Variants in ADGRV1 observed in about 807,000 individuals in gnomAD.
The protein encoded by ADGRV1 is G-protein coupled receptor 98.
ADGRV1 carries 359 observed loss-of-function variants against 596.2 expected under a neutral mutation model. That is an observed-to-expected ratio of 0.60 (90% CI 0.55 to 0.66). The LOEUF is 0.66. Ranked by LOEUF, ADGRV1 falls within the 30% of genes least tolerant of loss-of-function variation. The probability of loss-of-function intolerance (pLI) is 0.00; values close to 1 mark genes in which losing one functional copy is unlikely to be tolerated. For synonymous variants in ADGRV1, 2,681 were observed against 2,679.2 expected, an observed-to-expected ratio of 1.00 and a Z score of -0.02; for missense variants, 7,274 against 7,575.6, an observed-to-expected ratio of 0.96 and a Z score of 1.48.
chr5:90,955,454 A>G (rs186918885), intron 83 of ADGRV1, among the ~76,000 whole-genome samples: 1 of 152,292 alleles, frequency 6.6e-6, no homozygotes, highest in Admixed American at 6.5e-5. Flanking sequence ...GGCCTTCTCA[A>G]AATAACCCCC....
intron 68 of ADGRV1, among the ~76,000 whole-genome samples, chr5:90,789,445 C>T (rs1392749699): frequency 6.6e-6 from 1 of 152,148 alleles, no homozygotes; most frequent in Non-Finnish European, 1.5e-5. Context: ...AATTACTATT[C>T]TCTTGGGATT....
intron 87 of ADGRV1, among the ~76,000 whole-genome samples, chr5:91,148,971 CCT>C (rs1416743182): frequency 6.6e-6 from 1 of 152,128 alleles, no homozygotes; most frequent in African/African-American, 2.4e-5. Context: ...GTCTGTTGCC[CCT>C]CTGTTTTGAC....
intron 85 of ADGRV1, among the ~76,000 whole-genome samples, chr5:91,029,921 A>T (rs895594345): frequency 1.3e-5 from 2 of 152,108 alleles, no homozygotes; most frequent in African/African-American, 4.8e-5. Context: ...AACTATTTAA[A>T]GTTTTATTTT....
chr5:91,078,316 G>A (rs552583450), intron 86 of ADGRV1, among the ~76,000 whole-genome samples: 1 of 152,094 alleles, frequency 6.6e-6, no homozygotes, highest in African/African-American at 2.4e-5. Flanking sequence ...ATTTCAAATA[G>A]AGCAAAGGAA....
At position 90,693,903 on chromosome 5, in the gene ADGRV1, G is replaced by A. The variant is rs1343632533; in HGVS notation, c.7147G>A (p.Gly2383Ser). 6.4e-7 allele frequency: 1 copy of A among 1,552,972 alleles called. No individual in the cohort carries two copies. Among genetic ancestry groups the A allele is most frequent in the Admixed American group, 1.9e-5 (1 of 52,886 alleles). Residue 2383 changes from glycine to serine, a missense_variant, in exon 33 of 90, where the codon GGT becomes AGT. Around this residue, in one of 5 missense-constraint regions of ADGRV1, gnomAD observed 3,643 missense variants for 3,809.2 expected, o/e 0.96. Coordinates refer to ENST00000405460, the MANE Select transcript of ADGRV1 (RefSeq NM_032119.4). ...ITVRRSGGHF[G>S]RLLLFYSTSD... ...TCCACATTTTAGCGGAGGGCACTTTGGTCGGCTGTTGTTGTTCTACAGTAC... is the reference window on the plus strand; with the variant it reads ...TCCACATTTTAGCGGAGGGCACTTTAGTCGGCTGTTGTTGTTCTACAGTAC...
At chr5:90,934,954 A>G (rs1775553730) in intron 83 of ADGRV1, among the ~76,000 whole-genome samples, 1 of 152,106 alleles carries the variant, frequency 6.6e-6, no homozygotes, top group Admixed American at 6.6e-5. Flanking sequence ...CCACCTTCAT[A>G]ACTTCATCCA....
In ADGRV1 at chr5:91,163,958, A is replaced by G; in HGVS notation, c.*58A>G. The G allele has an allele frequency of 3.6e-6, 3 of 823,204 alleles. No homozygotes were observed. Among genetic ancestry groups the G allele is most frequent in the Non-Finnish European group, 4.2e-6 (2 of 481,318 alleles). The allele number at this position is 823,204 out of a possible 1,614,324, so 51.0% of individuals were successfully genotyped here. A position where few individuals can be genotyped will look rare whatever the true frequency, so the allele number is the denominator to read the frequency against. On this transcript the variant is annotated 3_prime_UTR_variant, in exon 90 of 90. Transcript: ENST00000405460. ...CATATTTGTATCAGCTTTTGTGCTA[A>G]AACTCTCTAAGTACATCCACCTGTG...
chr5:91,061,337 G>A (rs1787414185), intron 85 of ADGRV1, among the ~76,000 whole-genome samples: 1 of 152,154 alleles, frequency 6.6e-6, no homozygotes, highest in Admixed American at 6.5e-5. Context: ...TATTTCAGCA[G>A]TTTTATCAAG....
chr5:90,925,268 G>T (rs1018092792), intron 83 of ADGRV1, among the ~76,000 whole-genome samples: 2 of 151,336 alleles, frequency 1.3e-5, no homozygotes, highest in Non-Finnish European at 2.9e-5. Context: ...CATGAGCATG[G>T]AATGTTCTTC....
chr5:90,921,967 C>T (rs16869224), intron 83 of ADGRV1, among the ~76,000 whole-genome samples: 1,948 of 152,036 alleles, frequency 0.013, 49 homozygotes, highest in African/African-American at 0.044. Flanking sequence ...ATAAGCAGGG[C>T]CTAAGTTGTT....
chr5:90,692,753 G>A lies in ADGRV1; in HGVS notation c.7100G>A (p.Arg2367Lys), dbSNP rs1746649866. 1 of 1,604,908 alleles carries A rather than the reference G, an allele frequency of 6.2e-7. No individual in the cohort carries two copies. Among genetic ancestry groups the A allele is most frequent in the Non-Finnish European group, 8.5e-7 (1 of 1,175,618 alleles). The change falls in exon 32 of 90, where the codon AGA (arginine) becomes AAA (lysine). Residue 2367 changes from arginine to lysine, a missense_variant. Physicochemically the swap from Arg to Lys is conservative, Grantham distance 26. Coordinates refer to ENST00000405460, the MANE Select transcript of ADGRV1 (RefSeq NM_032119.4). ...MVYRVQEPLE[R>K]SSCANITVRR... ...TATCGTGTTCAAGAGCCTCTGGAAA[G>A]AAGTTCCTGTGCTAATATAACTGTC... is the stretch of plus-strand genomic sequence containing the variant.
intron 1 of ADGRV1, among the ~76,000 whole-genome samples, chr5:90,595,471 T>A (rs377433687): frequency 1.6e-5 from 1 of 63,580 alleles, no homozygotes. Context: ...ACGGGGCGGC[T>A]GGCCGGGCAG....
At chr5:90,583,391 T>C (rs2151979088) in intron 1 of ADGRV1, among the ~76,000 whole-genome samples, 1 of 152,328 alleles carries the variant, frequency 6.6e-6, no homozygotes, top group Non-Finnish European at 1.5e-5. Context: ...AACATTGAGC[T>C]GGCAATTTCT....
chr5:90,945,934 T>G (rs1161690040), intron 83 of ADGRV1, among the ~76,000 whole-genome samples: 1 of 151,928 alleles, frequency 6.6e-6, no homozygotes, highest in South Asian at 2.1e-4. Context: ...GACAAGATCT[T>G]GCCACTGTAC....
chr5:90,809,293 T>TACACACACACAC (rs60659185), intron 73 of ADGRV1, among the ~76,000 whole-genome samples: 20,791 of 134,412 alleles, frequency 0.15, 1,943 homozygotes, highest in African/African-American at 0.21. Flanking sequence ...CGGGCATAAA[T>TACACACACACAC]ACACACACAC....
At chr5:90,715,655 C>T (rs1580842558) in intron 42 of ADGRV1, among the ~76,000 whole-genome samples, 1 of 148,544 alleles carries the variant, frequency 6.7e-6, no homozygotes, top group Non-Finnish European at 1.5e-5. Flanking sequence ...GTCTACTTTT[C>T]TTTTTTTTTT....
At chr5:90,995,306 T>C (rs1781323286) in intron 85 of ADGRV1, among the ~76,000 whole-genome samples, 1 of 152,162 alleles carries the variant, frequency 6.6e-6, no homozygotes, top group Non-Finnish European at 1.5e-5. Flanking sequence ...ACAGAAAGCC[T>C]TGCAAGTTGG....
chr5:90,653,485 T>C lies in ADGRV1; in HGVS notation c.3911T>C (p.Leu1304Pro). The C allele has an allele frequency of 6.2e-7, 1 of 1,613,960 alleles. No homozygotes were observed. Among genetic ancestry groups the C allele is most frequent in the Non-Finnish European group, 8.5e-7 (1 of 1,179,878 alleles). The change falls in exon 20 of 90, where the codon CTG (leucine) becomes CCG (proline). Residue 1304 changes from leucine to proline, a missense_variant. By Grantham distance (98) the Leu-to-Pro change is moderately conservative. Around this residue, in one of 5 missense-constraint regions of ADGRV1, gnomAD observed 1,715 missense variants for 1,708.8 expected, o/e 1.00. Coordinates refer to ENST00000405460, the MANE Select transcript of ADGRV1 (RefSeq NM_032119.4). ...AGLPPMIDFLLVGIFPTTVHL... is the reference protein window; with the variant it reads ...AGLPPMIDFLPVGIFPTTVHL... The stretch of plus-strand genomic sequence containing the variant: ...TTGCCACCAATGATAGATTTTTTAC[T>C]GGTTGGAATTTTCCCCACCACCGTG...
chr5:90,841,918 CATCTT>C (rs1386671627), intron 78 of ADGRV1, among the ~76,000 whole-genome samples: 1 of 152,094 alleles, frequency 6.6e-6, no homozygotes, highest in Non-Finnish European at 1.5e-5. Flanking sequence ...CCATGGCAAA[CATCTT>C]ATAAAGCAAA....
Sources: gnomAD v4.1 joint callset for allele counts (sites outside exome capture counted in the v4.1 genomes callset) on GRCh38, gnomAD v4.1.1 for gene constraint, gnomAD v4.1.1 regional missense constraint, MANE v1.5 for transcripts, NCBI Gene and HGNC (gene_info 2026-07-23, HGNC 2026-07-21) for gene names.